Variants in KLHL8 observed in about 807,000 individuals in gnomAD.
The protein encoded by KLHL8 is kelch like family member 8.
In KLHL8, 38 loss-of-function variants were observed where a neutral mutation model predicts 63.5. The observed-to-expected ratio is 0.60, with a 90% confidence interval of 0.46 to 0.78. The LOEUF (loss-of-function observed/expected upper bound fraction) is 0.78. Ranked by LOEUF, KLHL8 falls within the 30% of genes least tolerant of loss-of-function variation. The pLI is 0.00. For synonymous variants in KLHL8, 224 were observed against 254.3 expected, an observed-to-expected ratio of 0.88 and a Z score of 1.13; for missense variants, 566 against 752.4, an observed-to-expected ratio of 0.75 and a Z score of 2.90.
At chr4:87,224,265 G>C (rs1016629506), upstream of KLHL8, among the ~76,000 whole-genome samples, 13 of 152,068 alleles carry the variant, frequency 8.5e-5, no homozygotes, top group East Asian at 2.1e-3. Context: ...TGCATTTTAA[G>C]TCTTTATCTT....
chr4:87,212,506 G>C (rs1375304859), intron 1 of KLHL8, among the ~76,000 whole-genome samples: 2 of 152,068 alleles, frequency 1.3e-5, no homozygotes, highest in Non-Finnish European at 2.9e-5. Context: ...TCTGAGCCCA[G>C]GGAGGTCAAG....
intron 4 of KLHL8, among the ~76,000 whole-genome samples, chr4:87,179,553 T>G (rs1242320062): frequency 6.6e-6 from 1 of 152,026 alleles, no homozygotes; most frequent in Non-Finnish European, 1.5e-5. Context: ...GGCAGGAGAA[T>G]CATTTGAGGC....
At chr4:87,174,332 G>T (rs1730738753) in intron 6 of KLHL8, among the ~76,000 whole-genome samples, 1 of 151,476 alleles carries the variant, frequency 6.6e-6, no homozygotes, top group Non-Finnish European at 1.5e-5. Context: ...AGACTGGAGT[G>T]CAATGGCGCA....
intron 3 of KLHL8, 84 bp from the exon 4 acceptor site, chr4:87,183,473 T>G: frequency 9.2e-7 from 1 of 1,092,584 alleles, no homozygotes; most frequent in Non-Finnish European, 1.3e-6. Context: ...CAAATAAAGG[T>G]GAAAACAAGA....
At chr4:87,169,324 C>T (rs184565292) in intron 8 of KLHL8, among the ~76,000 whole-genome samples, 160 of 152,048 alleles carry the variant, frequency 1.1e-3, no homozygotes, top group African/African-American at 3.4e-3. Flanking sequence ...TAAATAAATA[C>T]CTACTGGCTT....
intron 1 of KLHL8, among the ~76,000 whole-genome samples, chr4:87,208,732 A>C: frequency 6.6e-6 from 1 of 152,272 alleles, no homozygotes; most frequent in Non-Finnish European, 1.5e-5. Context: ...AAACTTTACT[A>C]AGTTAAAATG....
chr4:87,206,074 C>T (rs1416875567), intron 1 of KLHL8, among the ~76,000 whole-genome samples: 1 of 152,180 alleles, frequency 6.6e-6, no homozygotes, highest in African/African-American at 2.4e-5. Flanking sequence ...AAAACATGAG[C>T]CATATTTGAC....
intron 3 of KLHL8, among the ~76,000 whole-genome samples, chr4:87,183,757 G>A (rs999762607): frequency 2.0e-5 from 3 of 152,088 alleles, no homozygotes; most frequent in African/African-American, 7.2e-5. Flanking sequence ...ATTGATAAAG[G>A]CACAATCAAA....
In KLHL8 at chr4:87,207,546, C is replaced by G. The variant is rs1578394931; in HGVS notation, c.-151-11856G>C. On this transcript the variant is annotated intron_variant, in intron 1 of 9. Coordinates refer to ENST00000273963, the MANE Select transcript of KLHL8 (RefSeq NM_020803.5). Reference sequence around the variant, plus strand: ...TCATCAGCAATGCCTTCTGCACCACCAACTGCTTAGCGCCCCTGGCCAATG... The same window carrying G: ...TCATCAGCAATGCCTTCTGCACCACGAACTGCTTAGCGCCCCTGGCCAATG... 2.8e-6 allele frequency: 3 copies of G among 1,076,564 alleles called. No individual in the cohort carries two copies. The East Asian group carries it at 7.1e-5, about 25-fold the overall frequency. 66.7% of individuals were successfully genotyped at this position (1,076,564 alleles called of 1,614,324 possible).
rs1578351617 is a variant in KLHL8, at chr4:87,162,525, A to G, written c.*994T>C. 2.0e-5 allele frequency: 3 copies of G among 152,362 alleles called. No individual in the cohort carries two copies. The highest frequency in any genetic ancestry group is 2.1e-4 in the South Asian group (1 of 4,834). 9.4% of individuals were successfully genotyped at this position (152,362 alleles called of 1,614,324 possible). A position where few individuals can be genotyped will look rare whatever the true frequency, so the allele number is the denominator to read the frequency against. On this transcript the variant is annotated 3_prime_UTR_variant, in exon 10 of 10. Transcript: ENST00000273963. ...TACAGTCTACAAAAAGGTTTTTGTA[A>G]AAATGCATTCATTTCTGATAATAAA...
intron 1 of KLHL8, among the ~76,000 whole-genome samples, chr4:87,214,240 T>C (rs936712943): frequency 6.0e-5 from 9 of 151,146 alleles, no homozygotes; most frequent in South Asian, 2.1e-4. Flanking sequence ...ACAGCAAGCA[T>C]TAATTGGGTG....
Position 87,178,440 on chromosome 4 carries a change from T to G in KLHL8, c.1096+37A>C, listed in dbSNP as rs562971375. The G allele has an allele frequency of 1.9e-6, 3 of 1,555,106 alleles. No homozygotes were observed. In the African/African-American group the frequency reaches 4.2e-5, roughly 22 times the overall value. Reference sequence around the variant, plus strand: ...AGTTGAAATATTTTAAAAAGAGCATTGTGATCATATGATATTTCAGACAAG... The same window carrying G: ...AGTTGAAATATTTTAAAAAGAGCATGGTGATCATATGATATTTCAGACAAG... On this transcript the variant is annotated intron_variant, in intron 5 of 9. Coordinates refer to ENST00000273963, the MANE Select transcript of KLHL8 (RefSeq NM_020803.5).
At chr4:87,179,177 AG>A (rs770221686) in intron 4 of KLHL8, among the ~76,000 whole-genome samples, 8 of 152,152 alleles carry the variant, frequency 5.3e-5, no homozygotes, top group Non-Finnish European at 1.2e-4. Context: ...GATGTCCCAC[AG>A]ACACCTCAAA....
At chr4:87,167,729 C>A in intron 8 of KLHL8, 1 of 360,608 alleles carries the variant, frequency 2.8e-6, no homozygotes, top group Non-Finnish European at 5.5e-6. Flanking sequence ...CTGGAAGGAG[C>A]TATGATCCTG....
At chr4:87,187,439 T>C (rs35542725) in intron 2 of KLHL8, among the ~76,000 whole-genome samples, 11,566 of 151,672 alleles carry the variant, frequency 0.076, 612 homozygotes, top group Non-Finnish European at 0.11. Flanking sequence ...ATTTATAAAT[T>C]TTGAGCTATT....
chr4:87,163,785 T>A, intron 9 of KLHL8, 93 bp downstream of exon 9: 1 of 1,523,302 alleles, frequency 6.6e-7, no homozygotes. Context: ...CAAAGCTTAG[T>A]ATTAACTACG....
intron 2 of KLHL8, among the ~76,000 whole-genome samples, chr4:87,191,560 A>G (rs1013192754): frequency 6.6e-6 from 1 of 151,716 alleles, no homozygotes. Flanking sequence ...TTAAATTTAT[A>G]TTTTTCTTTT....
chr4:87,213,149 G>T (rs1373374763), intron 1 of KLHL8, among the ~76,000 whole-genome samples: 1 of 152,130 alleles, frequency 6.6e-6, no homozygotes, highest in Non-Finnish European at 1.5e-5. Flanking sequence ...TTCCTTGTTT[G>T]AACTGGGCCA....
Position 87,178,553 on chromosome 4 carries a change from A to T in KLHL8, c.1020T>A (p.Ser340=), listed in dbSNP as rs773612816. Residue 340 remains serine (S), a synonymous_variant, in exon 5 of 10, where the codon TCT becomes TCA. Coordinates refer to ENST00000273963, the MANE Select transcript of KLHL8 (RefSeq NM_020803.5). The stretch of plus-strand genomic sequence containing the variant: ...CAAAGAACCAACTGTTTTTGTTGAT[A>T]GAATAGCATTCAATACTGCGAAAGG... ...GDPFRSIECY[S]INKNSWFFGP... The T allele has an allele frequency of 6.2e-7, 1 of 1,612,332 alleles. No individual in the cohort carries two copies. The highest frequency in any genetic ancestry group is 8.5e-7 in the Non-Finnish European group (1 of 1,179,620).
Sources: gnomAD v4.1 joint callset for allele counts (sites outside exome capture counted in the v4.1 genomes callset) on GRCh38, gnomAD v4.1.1 for gene constraint, MANE v1.5 for transcripts, NCBI Gene and HGNC (gene_info 2026-07-23, HGNC 2026-07-21) for gene names.